MLX: variants seen among roughly 807,000 people sequenced by gnomAD.
MLX encodes the protein MAX dimerization protein MLX.
MLX carries 15 observed loss-of-function variants against 33.0 expected under a neutral mutation model. The ratio of observed to expected loss-of-function variants is 0.45; its 90% CI spans 0.30 to 0.70. The LOEUF (loss-of-function observed/expected upper bound fraction) is 0.70, where lower values mean the gene tolerates loss of function less well. Ranked by LOEUF, MLX falls within the 30% of genes least tolerant of loss-of-function variation. The probability of loss-of-function intolerance (pLI) is 0.07; values close to 1 mark genes in which losing one functional copy is unlikely to be tolerated. For missense variants in MLX, 285 were observed against 306.3 expected (o/e 0.93, Z 0.52); for synonymous variants, 115 against 115.6 (o/e 0.99, Z 0.03).
At chr17:42,568,046 G>A (rs2093015811) in intron 2 of MLX, 3 of 271,622 alleles carry the variant, frequency 1.1e-5, no homozygotes, top group Middle Eastern at 1.2e-3. Context: ...TTGGGTTGAA[G>A]GGAAGAGGTC....
intron 1 of MLX, 139 bp from the exon 2 acceptor site, chr17:42,567,480 G>C (rs1405131765): frequency 6.8e-7 from 1 of 1,470,488 alleles, no homozygotes; most frequent in Non-Finnish European, 9.2e-7. Flanking sequence ...GCGCACCCCG[G>C]GCTGTGTGTG....
At chr17:42,568,665 C>T in intron 3 of MLX, 106 bp downstream of exon 3, 1 of 1,198,916 alleles carries the variant, frequency 8.3e-7, no homozygotes, top group Non-Finnish European at 1.2e-6. Context: ...GGTGCTGGAG[C>T]CAAAGTATCA....
chr17:42,567,217 T>C, intron 1 of MLX, 51 bp downstream of exon 1: 1 of 1,309,982 alleles, frequency 7.6e-7, no homozygotes, highest in Non-Finnish European at 9.7e-7. Context: ...GTCGGGCTCG[T>C]GCACGTAGGG....
In MLX at chr17:42,569,290, C is replaced by A; in HGVS notation, c.363C>A (p.Ile121=). 6.2e-7 allele frequency: 1 copy of A among 1,613,896 alleles called. No homozygotes were observed. The highest frequency in any genetic ancestry group is 8.5e-7 in the Non-Finnish European group (1 of 1,179,810). ...GCTCCCAAAAGCTCAGCAAAGCCAT[C>A]GTTCTACAAAAGAGTATGGCTAGGG... is the stretch of plus-strand genomic sequence containing the variant. ...SIGSQKLSKA[I]VLQKTIDYIQ... The change falls in exon 5 of 8, where the codon ATC becomes ATA. Residue 121 remains isoleucine (I), a synonymous_variant. Coordinates refer to ENST00000435881, the MANE Select transcript of MLX (RefSeq NM_198204.2).
Position 42,572,948 on chromosome 17 carries a change from C to T in MLX, c.*1345C>T, listed in dbSNP as rs759744011. ...TCTTCTGACATCCTGCAGTCCCCAC[C>T]AGTCCTGACCGTGGGCCCCTCAGGG... On this transcript the variant is annotated 3_prime_UTR_variant, in exon 8 of 8. Transcript: ENST00000435881. 2 of 1,613,418 alleles carry T rather than the reference C, an allele frequency of 1.2e-6. No individual in the cohort carries two copies. The highest frequency in any genetic ancestry group is 2.2e-5 in the South Asian group (2 of 91,056).
chr17:42,571,541 C>G lies in MLX; in HGVS notation c.679-6C>G, dbSNP rs772798603. On this transcript the variant is annotated splice_polypyrimidine_tract_variant and splice_region_variant and intron_variant, in intron 7 of 7. Coordinates refer to ENST00000435881, the MANE Select transcript of MLX (RefSeq NM_198204.2). ...TGTCTATTTCTTCCTCTGCTGCCCT[C>G]GCCAGACCCTGCGGGAGATTGTGAT... is the stretch of plus-strand genomic sequence containing the variant. 6.2e-7 allele frequency: 1 copy of G among 1,614,146 alleles called. No homozygotes were observed. The highest frequency in any genetic ancestry group is 1.7e-5 in the Admixed American group (1 of 60,024).
At chr17:42,569,692 A>G (rs2093023039) in intron 6 of MLX, 86 bp downstream of exon 6, 1 of 1,027,546 alleles carries the variant, frequency 9.7e-7, no homozygotes, top group Non-Finnish European at 1.5e-6. Context: ...CACATCAGTT[A>G]CTGCTGTACA....
At position 42,571,638 on chromosome 17, in the gene MLX, A is replaced by T. The variant is rs1438788484; in HGVS notation, c.*35A>T. 6.3e-7 allele frequency: 1 copy of T among 1,591,808 alleles called. No individual in the cohort carries two copies. The highest frequency in any genetic ancestry group is 1.3e-5 in the African/African-American group (1 of 74,822). On this transcript the variant is annotated 3_prime_UTR_variant, in exon 8 of 8. Coordinates refer to ENST00000435881, the MANE Select transcript of MLX (RefSeq NM_198204.2). ...GGAAACCTGGAGAACAGCCAACAAG[A>T]GGCCCTTGAATCTCTACGTGGCCAC...
intron 7 of MLX, among the ~76,000 whole-genome samples, chr17:42,570,778 C>T (rs2093028031): frequency 6.6e-6 from 1 of 152,128 alleles, no homozygotes; most frequent in African/African-American, 2.4e-5. Context: ...GCCTCAGCCT[C>T]CCGAGTAGCT....
chr17:42,569,963 C>T lies in MLX; in HGVS notation c.477-19C>T, dbSNP rs2093023982. ...GCGGAGCTGCTGCAGCACCTCAGCC[C>T]TGGCCTGCATGCTTTTAGGAACTAT... On this transcript the variant is annotated intron_variant, in intron 6 of 7. Transcript: ENST00000435881. The T allele has an allele frequency of 6.2e-7, 1 of 1,612,138 alleles. No homozygotes were observed. The highest frequency in any genetic ancestry group is 1.3e-5 in the African/African-American group (1 of 74,868).
At chr17:42,568,698 C>A in intron 3 of MLX, 139 bp downstream of exon 3, 2 of 1,072,092 alleles carry the variant, frequency 1.9e-6, no homozygotes, top group Non-Finnish European at 2.8e-6. Context: ...CACCATCTTT[C>A]ACCTCATCTG....
In MLX at chr17:42,572,647, C is replaced by CTGG. The variant is rs1410769861; in HGVS notation, c.*1044_*1045insTGG. 1 of 411,984 alleles carries CTGG rather than the reference C, an allele frequency of 2.4e-6. No homozygotes were observed. Among genetic ancestry groups the CTGG allele is most frequent in the African/African-American group, 2.1e-5 (1 of 48,714 alleles). The allele number at this position is 411,984 out of a possible 1,614,324, so 25.5% of individuals were successfully genotyped here. On this transcript the variant is annotated 3_prime_UTR_variant, in exon 8 of 8. Coordinates refer to ENST00000435881, the MANE Select transcript of MLX (RefSeq NM_198204.2). ...TTTGATATCTGGCAGGTTTGACTAT[C>CTGG]CAGAGGAAATTAAATATTTTTATAT...
At chr17:42,567,424 G>T (rs983724323) in intron 1 of MLX, 195 bp from the exon 2 acceptor site, 1 of 1,366,656 alleles carries the variant, frequency 7.3e-7, no homozygotes, top group Non-Finnish European at 9.7e-7. Flanking sequence ...GGAGGCACTC[G>T]CACGCCCTAG....
Position 42,571,695 on chromosome 17 carries a change from A to G in MLX, c.*92A>G, listed in dbSNP as rs953115845. ...GCTGGGCCCGGGAGACTGGACTACA[A>G]CACCTCACACTGGTCAGCTGGTTTC... On this transcript the variant is annotated 3_prime_UTR_variant, in exon 8 of 8. Transcript: ENST00000435881. 1 of 1,163,766 alleles carries G rather than the reference A, an allele frequency of 8.6e-7. No individual in the cohort carries two copies. Among genetic ancestry groups the G allele is most frequent in the Non-Finnish European group, 1.3e-6 (1 of 770,280 alleles). The allele number at this position is 1,163,766 out of a possible 1,614,324, so 72.1% of individuals were successfully genotyped here. A position where few individuals can be genotyped will look rare whatever the true frequency, so the allele number is the denominator to read the frequency against.
chr17:42,570,111 C>T lies in MLX; in HGVS notation c.606C>T (p.Ser202=), dbSNP rs374541881. 4.3e-5 allele frequency: 70 copies of T among 1,613,996 alleles called. No homozygotes were observed. The highest frequency in any genetic ancestry group is 5.8e-5 in the Non-Finnish European group (69 of 1,180,026). The change falls in exon 7 of 8, where the codon TCC becomes TCT. Residue 202 remains serine (S), a synonymous_variant. Transcript: ENST00000435881. The part of the protein sequence containing the change: ...MDSLFQSFNA[S]ISVASFQELS... The stretch of plus-strand genomic sequence containing the variant: ...CCCTGTTCCAGTCCTTCAATGCCTC[C>T]ATCTCAGTGGCCAGCTTCCAGGAGC...
rs2093044099 is a variant in MLX at position 42,572,953 on chromosome 17, C to T, written c.*1350C>T. The T allele has an allele frequency of 6.2e-7, 1 of 1,613,642 alleles. No homozygotes were observed. Among genetic ancestry groups the T allele is most frequent in the Non-Finnish European group, 8.5e-7 (1 of 1,179,800 alleles). On this transcript the variant is annotated 3_prime_UTR_variant, in exon 8 of 8. Transcript: ENST00000435881. ...TGACATCCTGCAGTCCCCACCAGTC[C>T]TGACCGTGGGCCCCTCAGGGGTCTG... is the stretch of plus-strand genomic sequence containing the variant.
Position 42,567,287 on chromosome 17 carries a change from C to T in MLX, c.42+121C>T, listed in dbSNP as rs746460209. ...AAAGTCCCCCACGCTCTCCGTGCCC[C>T]GGGGCTGCAGAGAAGACAGCTCTCA... On this transcript the variant is annotated intron_variant, in intron 1 of 7. Transcript: ENST00000435881. 44 of 1,352,440 alleles carry T rather than the reference C, an allele frequency of 3.3e-5. 1 individual carries two copies. Among genetic ancestry groups the T allele is most frequent in the East Asian group, 2.8e-5 (1 of 35,476 alleles). The allele number at this position is 1,352,440 out of a possible 1,614,324, so 83.8% of individuals were successfully genotyped here.
chr17:42,569,947 C>G (rs1240550952), intron 6 of MLX, 35 bp from the exon 7 acceptor site: 5 of 1,598,396 alleles, frequency 3.1e-6, no homozygotes, highest in Non-Finnish European at 4.3e-6. Flanking sequence ...GGCGGAGCTG[C>G]TGCAGCACCT....
rs2093043800 is a variant in MLX at position 42,572,920 on chromosome 17, C to T, written c.*1317C>T. The stretch of plus-strand genomic sequence containing the variant: ...ACAAGGTAGCCAGTGCAAGACATCT[C>T]ACTCTTCTGACATCCTGCAGTCCCC... On this transcript the variant is annotated 3_prime_UTR_variant, in exon 8 of 8. Transcript: ENST00000435881. 2 of 1,600,384 alleles carry T rather than the reference C, an allele frequency of 1.2e-6. No homozygotes were observed. Among genetic ancestry groups the T allele is most frequent in the Non-Finnish European group, 1.7e-6 (2 of 1,168,530 alleles).
Sources: gnomAD v4.1 joint callset for allele counts (sites outside exome capture counted in the v4.1 genomes callset) on GRCh38, gnomAD v4.1.1 for gene constraint, MANE v1.5 for transcripts, NCBI Gene and HGNC (gene_info 2026-07-23, HGNC 2026-07-21) for gene names.